Variants in TNFAIP6 observed in about 807,000 individuals in gnomAD.
The protein encoded by TNFAIP6 is tumor necrosis factor-inducible gene 6 protein.
In TNFAIP6, 36 loss-of-function variants were observed where a neutral mutation model predicts 33.7. That is an observed-to-expected ratio of 1.07 (90% CI 0.82 to 1.41). The LOEUF (loss-of-function observed/expected upper bound fraction) is 1.41, where lower values mean the gene tolerates loss of function less well. Among genes scored for constraint, TNFAIP6 ranks in the 40% most tolerant of loss-of-function variants. The pLI is 0.00. For synonymous variants in TNFAIP6, 113 were observed against 112.8 expected, an observed-to-expected ratio of 1.00 and a Z score of -0.01; for missense variants, 273 against 331.9, an observed-to-expected ratio of 0.82 and a Z score of 1.38.
At chr2:151,368,651 G>A (rs1684757796) in intron 3 of TNFAIP6, among the ~76,000 whole-genome samples, 1 of 151,874 alleles carries the variant, frequency 6.6e-6, no homozygotes, top group South Asian at 2.1e-4. Flanking sequence ...ATTAGGATTA[G>A]GGTATTAGTT....
chr2:151,369,276 A>G (rs1376555194), intron 3 of TNFAIP6, among the ~76,000 whole-genome samples: 2 of 152,190 alleles, frequency 1.3e-5, no homozygotes, highest in Admixed American at 6.5e-5. Context: ...TATTTTTAAA[A>G]GTACAATTAA....
At chr2:151,359,903 A>G (rs1187622796) in intron 1 of TNFAIP6, among the ~76,000 whole-genome samples, 1 of 152,174 alleles carries the variant, frequency 6.6e-6, no homozygotes, top group Admixed American at 6.5e-5. Context: ...ACAAAAACAA[A>G]CCACAGTTAA....
intron 1 of TNFAIP6, among the ~76,000 whole-genome samples, chr2:151,361,742 A>C (rs1482173423): frequency 6.6e-6 from 1 of 152,206 alleles, no homozygotes; most frequent in Admixed American, 6.5e-5. Flanking sequence ...AAGTAACTAA[A>C]TTGAAAACTA....
chr2:151,370,118 A>G lies in TNFAIP6; in HGVS notation c.493A>G (p.Ile165Val). ...AGATAACCAAATCTGCTACTGGCACATTAGACTCAAGTATGGTCAGCGTAT... is the reference window on the plus strand; with the variant it reads ...AGATAACCAAATCTGCTACTGGCACGTTAGACTCAAGTATGGTCAGCGTAT... ...YEDNQICYWH[I>V]RLKYGQRIHL... Residue 165 changes from isoleucine to valine, a missense_variant, in exon 4 of 6, where the codon ATT (isoleucine) becomes GTT (valine). Ile to Val is a conservative substitution (Grantham distance 29, BLOSUM62 3). Coordinates refer to ENST00000243347, the MANE Select transcript of TNFAIP6 (RefSeq NM_007115.4). 1.2e-6 allele frequency: 2 copies of G among 1,614,122 alleles called. No individual in the cohort carries two copies. Among genetic ancestry groups the G allele is most frequent in the Admixed American group, 1.7e-5 (1 of 60,016 alleles).
intron 1 of TNFAIP6, among the ~76,000 whole-genome samples, chr2:151,358,675 C>G (rs920845555): frequency 6.6e-6 from 1 of 152,164 alleles, no homozygotes; most frequent in Non-Finnish European, 1.5e-5. Flanking sequence ...TTCTAAACAG[C>G]ACAGTTGTAG....
intron 5 of TNFAIP6, among the ~76,000 whole-genome samples, chr2:151,378,468 G>A (rs1202527732): frequency 6.6e-6 from 1 of 151,060 alleles, no homozygotes; most frequent in Non-Finnish European, 1.5e-5. Flanking sequence ...TTCTGTGGAT[G>A]TTCCTTCTAC....
At chr2:151,377,792 C>CA (rs1288645008) in intron 5 of TNFAIP6, among the ~76,000 whole-genome samples, 3 of 151,964 alleles carry the variant, frequency 2.0e-5, no homozygotes, top group Admixed American at 1.3e-4. Flanking sequence ...CTGTCTCGTG[C>CA]AAAATTTTTT....
intron 1 of TNFAIP6, among the ~76,000 whole-genome samples, chr2:151,358,377 T>G (rs1219371986): frequency 6.6e-6 from 1 of 152,216 alleles, no homozygotes; most frequent in African/African-American, 2.4e-5. Flanking sequence ...ACAAGGAAAG[T>G]TTCTTTTGTT....
At chr2:151,381,048 G>T (rs746626977), downstream of TNFAIP6, among the ~76,000 whole-genome samples, 6 of 152,158 alleles carry the variant, frequency 3.9e-5, no homozygotes, top group Admixed American at 2.6e-4. Flanking sequence ...ATACCCTAAA[G>T]TATGACACTT....
At chr2:151,363,914 T>A in intron 1 of TNFAIP6, 29 bp from the exon 2 acceptor site, 1 of 1,608,716 alleles carries the variant, frequency 6.2e-7, no homozygotes, top group East Asian at 2.2e-5. Context: ...GGAACAACAG[T>A]GCTTTTATGA....
intron 3 of TNFAIP6, among the ~76,000 whole-genome samples, chr2:151,369,504 T>C (rs1445463624): frequency 6.6e-6 from 1 of 152,026 alleles, no homozygotes; most frequent in African/African-American, 2.4e-5. Context: ...CTGGGCACAG[T>C]GGCTCATGTT....
rs567035366 is a variant in TNFAIP6, at chr2:151,358,838, G to A, written c.94+1078G>A. Among the ~76,000 whole-genome samples the A allele has an allele frequency of 6.6e-5, 10 of 152,038 alleles. No individual in the cohort carries two copies. In the South Asian group the frequency reaches 1.5e-3, roughly 22 times the overall value. On this transcript the variant is annotated intron_variant, in intron 1 of 5. Transcript: ENST00000243347. ...TCACTGTGATCCATTTGGCCAAGAC[G>A]GGATCTGAAATTTAGTAGAGGAATG...
intron 1 of TNFAIP6, among the ~76,000 whole-genome samples, chr2:151,358,133 T>C (rs1047966366): frequency 6.6e-6 from 1 of 152,220 alleles, no homozygotes; most frequent in African/African-American, 2.4e-5. Flanking sequence ...TGCAATCAGA[T>C]TTCAGAATCC....
At position 151,357,763 on chromosome 2, in the gene TNFAIP6, A is replaced by G. The variant is rs1558896316; in HGVS notation, c.94+3A>G. ...TTTTCATAACTCCATATGGCTTGGT[A>G]AGAACCTTCACTCATGAGCCTCTTG... is the stretch of plus-strand genomic sequence containing the variant. On this transcript the variant is annotated splice_donor_region_variant and intron_variant, in intron 1 of 5. Transcript: ENST00000243347. 3 of 1,575,494 alleles carry G rather than the reference A, an allele frequency of 1.9e-6. No homozygotes were observed. Among genetic ancestry groups the G allele is most frequent in the African/African-American group, 1.3e-5 (1 of 74,208 alleles).
intron 4 of TNFAIP6, among the ~76,000 whole-genome samples, chr2:151,370,566 A>C (rs1053867640): frequency 2.6e-5 from 4 of 151,734 alleles, no homozygotes; most frequent in African/African-American, 4.8e-5. Flanking sequence ...GTTGTAAGAA[A>C]TAGTTAGTCT....
intron 5 of TNFAIP6, among the ~76,000 whole-genome samples, chr2:151,375,050 G>C (rs189169998): frequency 1.3e-5 from 2 of 151,020 alleles, no homozygotes; most frequent in African/African-American, 4.9e-5. Context: ...GCTTGAACCC[G>C]GGAGGCAGAG....
At chr2:151,373,401 T>A (rs1684848615) in intron 4 of TNFAIP6, 148 bp from the exon 5 acceptor site, 1 of 416,472 alleles carries the variant, frequency 2.4e-6, no homozygotes, top group African/African-American at 2.1e-5. Flanking sequence ...TACTCTCTCT[T>A]ACAAATCCAG....
At chr2:151,374,275 C>T (rs1314338511) in intron 5 of TNFAIP6, among the ~76,000 whole-genome samples, 1 of 152,012 alleles carries the variant, frequency 6.6e-6, no homozygotes, top group Non-Finnish European at 1.5e-5. Flanking sequence ...AAGAAATGTA[C>T]CTCAAGAAAT....
At chr2:151,377,711 C>A (rs1427623362) in intron 5 of TNFAIP6, among the ~76,000 whole-genome samples, 1 of 152,020 alleles carries the variant, frequency 6.6e-6, no homozygotes, top group Non-Finnish European at 1.5e-5. Flanking sequence ...CTTGCATATT[C>A]TTTGGCGCTT....
Sources: gnomAD v4.1 joint callset for allele counts (sites outside exome capture counted in the v4.1 genomes callset) on GRCh38, gnomAD v4.1.1 for gene constraint, MANE v1.5 for transcripts, NCBI Gene and HGNC (gene_info 2026-07-23, HGNC 2026-07-21) for gene names.